Variants in MDM2 observed in about 807,000 individuals in gnomAD.
MDM2 encodes MDM2 proto-oncogene.
Under a neutral mutation model 64.3 loss-of-function variants are expected in MDM2, and 11 were observed. That is an observed-to-expected ratio of 0.17 (90% CI 0.11 to 0.28). MDM2 has a LOEUF of 0.28. Ranked by LOEUF, MDM2 falls within the 10% of genes least tolerant of loss-of-function variation. The pLI is 1.00. For missense variants in MDM2, 388 were observed against 577.1 expected, an observed-to-expected ratio of 0.67 and a Z score of 3.36; for synonymous variants, 194 against 192.9, an observed-to-expected ratio of 1.01 and a Z score of -0.05.
chr12:68,823,796 A>G (rs1471722810), intron 5 of MDM2, among the ~76,000 whole-genome samples: 1 of 152,214 alleles, frequency 6.6e-6, no homozygotes, highest in African/African-American at 2.4e-5. Flanking sequence ...TGGCTGCAAC[A>G]TCGCATTAAG....
intron 7 of MDM2, among the ~76,000 whole-genome samples, chr12:68,825,850 AAGGGCAGAGGTGTCT>A (rs1303216361): frequency 1.3e-5 from 2 of 152,312 alleles, no homozygotes; most frequent in South Asian, 4.1e-4. Context: ...AGAAGACAGG[AAGGGCAGAGGTGTCT>A]AGGGCAGAGG....
intron 3 of MDM2, among the ~76,000 whole-genome samples, chr12:68,814,297 A>G (rs1881163978): frequency 6.6e-6 from 1 of 152,144 alleles, no homozygotes; most frequent in African/African-American, 2.4e-5. Flanking sequence ...CAGGTGATCC[A>G]CTTGCCTTGG....
At chr12:68,820,427 A>G (rs1881749783) in intron 5 of MDM2, 53 bp downstream of exon 5, 1 of 1,361,442 alleles carries the variant, frequency 7.3e-7, no homozygotes, top group Non-Finnish European at 1.0e-6. Flanking sequence ...TTTTAAAGAC[A>G]TTTTTGTTTA....
chr12:68,824,897 G>GT (rs1156697502), intron 7 of MDM2: 2 of 433,974 alleles, frequency 4.6e-6, no homozygotes, highest in African/African-American at 4.1e-5. Flanking sequence ...CCAACTCTCT[G>GT]TTAAGATAGT....
intron 8 of MDM2, among the ~76,000 whole-genome samples, chr12:68,832,960 A>G (rs1000605165): frequency 1.3e-5 from 2 of 150,022 alleles, no homozygotes; most frequent in Non-Finnish European, 3.0e-5. Flanking sequence ...CCCCGTCTCT[A>G]CTAAAAATAC....
At chr12:68,808,871 C>T (rs1031470974) in intron 1 of MDM2, 3 of 1,338,580 alleles carry the variant, frequency 2.2e-6, no homozygotes, top group African/African-American at 1.5e-5. Flanking sequence ...GTAGTCTGGG[C>T]GGGATTGGGC....
At chr12:68,814,043 T>C (rs891683539) in intron 3 of MDM2, among the ~76,000 whole-genome samples, 1 of 152,236 alleles carries the variant, frequency 6.6e-6, no homozygotes, top group Non-Finnish European at 1.5e-5. Flanking sequence ...GAAGAAGATA[T>C]AATAAATATA....
chr12:68,808,316 C>T lies in MDM2; in HGVS notation c.-162C>T. The T allele has an allele frequency of 1.1e-6, 1 of 885,008 alleles. No homozygotes were observed. The highest frequency in any genetic ancestry group is 1.8e-6 in the Non-Finnish European group (1 of 564,286). 54.8% of individuals were successfully genotyped at this position (885,008 alleles called of 1,614,324 possible). ...ACCGAGATCCTGCTGCTTTCGCAGC[C>T]AGGAGCACCGTCCCTCCCCGGATTA... is the stretch of plus-strand genomic sequence containing the variant. On this transcript the variant is annotated 5_prime_UTR_variant, in exon 1 of 11. Transcript: ENST00000258149.
chr12:68,813,444 C>T (rs141278664), intron 2 of MDM2, 110 bp from the exon 3 acceptor site: 387 of 680,102 alleles, frequency 5.7e-4, no homozygotes, highest in African/African-American at 4.9e-3. Context: ...AGATCCTCCC[C>T]AGCATTTTTT....
At chr12:68,837,144 G>A (rs574224922) in intron 10 of MDM2, among the ~76,000 whole-genome samples, 1 of 151,658 alleles carries the variant, frequency 6.6e-6, no homozygotes, top group Admixed American at 6.6e-5. Flanking sequence ...AGTAGAGATG[G>A]GGTTTCACCA....
intron 4 of MDM2, among the ~76,000 whole-genome samples, chr12:68,817,807 G>A (rs1312806351): frequency 6.6e-6 from 1 of 151,296 alleles, no homozygotes; most frequent in African/African-American, 2.4e-5. Context: ...TTTTTTGTTT[G>A]TTTGTTTTGA....
downstream of MDM2, chr12:68,846,896 G>C (rs960951122): frequency 6.6e-6 from 1 of 151,880 alleles, no homozygotes; most frequent in Non-Finnish European, 1.5e-5. Context: ...ATGAATGGAA[G>C]TTTAATATTC....
chr12:68,816,425 T>A (rs3730524), intron 3 of MDM2, among the ~76,000 whole-genome samples: 2,428 of 120,536 alleles, frequency 0.02, 70 homozygotes, highest in African/African-American at 0.079. Flanking sequence ...TAAGCCGGAG[T>A]GCAGTGGCGC....
At chr12:68,834,403 C>T (rs1454763299) in intron 8 of MDM2, among the ~76,000 whole-genome samples, 2 of 151,026 alleles carry the variant, frequency 1.3e-5, no homozygotes, top group Non-Finnish European at 2.9e-5. Context: ...GATCATGCCA[C>T]TGCATTTCAT....
intron 10 of MDM2, among the ~76,000 whole-genome samples, chr12:68,837,152 C>T (rs534886479): frequency 6.6e-6 from 1 of 151,956 alleles, no homozygotes; most frequent in Non-Finnish European, 1.5e-5. Flanking sequence ...TGGGGTTTCA[C>T]CATGTTGGCC....
chr12:68,842,944 G>A lies in MDM2; in HGVS notation c.*3095G>A, dbSNP rs1883917512. ...TGGGGATGAGAGCCGAATAAGGTTT[G>A]CCTGAAATAACTGACACTATATAAT... On this transcript the variant is annotated 3_prime_UTR_variant, in exon 11 of 11. Transcript: ENST00000258149. 4.8e-6 allele frequency: 1 copy of A among 210,162 alleles called. No individual in the cohort carries two copies. The highest frequency in any genetic ancestry group is 2.3e-5 in the African/African-American group (1 of 44,026). 13.0% of individuals were successfully genotyped at this position (210,162 alleles called of 1,614,324 possible). A position where few individuals can be genotyped will look rare whatever the true frequency, so the allele number is the denominator to read the frequency against.
chr12:68,845,545 T>C (rs1884227688), downstream of MDM2: 1 of 187,910 alleles, frequency 5.3e-6, no homozygotes, highest in African/African-American at 2.3e-5. Flanking sequence ...TTGATTGTCT[T>C]TAGAGAGAGG....
At chr12:68,830,060 A>ATT (rs138064988) in intron 8 of MDM2, among the ~76,000 whole-genome samples, 14,606 of 148,942 alleles carry the variant, frequency 0.098, 2,377 homozygotes, top group African/African-American at 0.34. Flanking sequence ...AAATATTATG[A>ATT]TTTTTTTTTT....
At position 68,841,393 on chromosome 12, in the gene MDM2, A is replaced by G. The variant is rs1883755522; in HGVS notation, c.*1544A>G. On this transcript the variant is annotated 3_prime_UTR_variant, in exon 11 of 11. Coordinates refer to ENST00000258149, the MANE Select transcript of MDM2 (RefSeq NM_002392.6). ...TAGGATTACAGGCGTTAGCCACCAC[A>G]CCCGGCTGTAAAAATGTACTTATTC... 1 of 208,026 alleles carries G rather than the reference A, an allele frequency of 4.8e-6. No homozygotes were observed. Among genetic ancestry groups the G allele is most frequent in the African/African-American group, 2.3e-5 (1 of 43,824 alleles). The allele number at this position is 208,026 out of a possible 1,614,324, so 12.9% of individuals were successfully genotyped here. A position where few individuals can be genotyped will look rare whatever the true frequency, so the allele number is the denominator to read the frequency against.
Sources: allele counts gnomAD v4.1 joint callset (sites outside exome capture counted in the v4.1 genomes callset), GRCh38; gene constraint gnomAD v4.1.1; transcripts MANE v1.5; gene names NCBI Gene and HGNC (gene_info 2026-07-23, HGNC 2026-07-21).